The following SYT2 variants were observed in gnomAD, a reference collection of about 807,000 sequenced individuals.
SYT2 encodes the protein synaptotagmin 2.
In SYT2, 15 loss-of-function variants were observed where a neutral mutation model predicts 39.9. The ratio of observed to expected loss-of-function variants is 0.38; its 90% CI spans 0.25 to 0.58. The LOEUF is 0.58. Among genes scored for constraint, SYT2 ranks in the 20% least tolerant of loss-of-function variants. The pLI is 0.70. For missense variants in SYT2, 389 were observed against 530.3 expected (o/e 0.73, Z 2.62); for synonymous variants, 181 against 204.5 (o/e 0.89, Z 0.98).
chr1:202,704,645 C>G (rs914207050), intron 1 of SYT2, among the ~76,000 whole-genome samples: 5 of 152,212 alleles, frequency 3.3e-5, no homozygotes, highest in African/African-American at 4.8e-5. Context: ...CTCCCCAGCC[C>G]ACCCCTAGGA....
intron 1 of SYT2, among the ~76,000 whole-genome samples, chr1:202,673,925 GGCT>G (rs1171413298): frequency 6.6e-6 from 1 of 152,166 alleles, no homozygotes; most frequent in African/African-American, 2.4e-5. Flanking sequence ...AGTGACAGTT[GGCT>G]GGTTCTGGGT....
intron 1 of SYT2, among the ~76,000 whole-genome samples, chr1:202,678,419 G>A (rs1653439182): frequency 6.7e-6 from 1 of 149,884 alleles, no homozygotes; most frequent in South Asian, 2.1e-4. Context: ...TAGCGTCTGT[G>A]ATTTGGAGAC....
At chr1:202,683,610 G>C (rs1447533148) in intron 1 of SYT2, among the ~76,000 whole-genome samples, 3 of 152,076 alleles carry the variant, frequency 2.0e-5, no homozygotes, top group African/African-American at 7.2e-5. Context: ...ACGTGGTGGT[G>C]CATGCCTGTG....
At chr1:202,676,862 T>G (rs1313283281) in intron 1 of SYT2, among the ~76,000 whole-genome samples, 1 of 152,236 alleles carries the variant, frequency 6.6e-6, no homozygotes. Flanking sequence ...CCAAATCTCA[T>G]GTCTAATTGT....
At chr1:202,707,007 G>A (rs1419094693) in intron 1 of SYT2, among the ~76,000 whole-genome samples, 1 of 152,172 alleles carries the variant, frequency 6.6e-6, no homozygotes, top group Non-Finnish European at 1.5e-5. Flanking sequence ...TCTTGGCACA[G>A]TCATGATGAA....
At chr1:202,692,111 C>T (rs1238482924) in intron 1 of SYT2, among the ~76,000 whole-genome samples, 1 of 152,008 alleles carries the variant, frequency 6.6e-6, no homozygotes, top group African/African-American at 2.4e-5. Flanking sequence ...CAGCCCAGCT[C>T]TCCTACTGAA....
At chr1:202,667,498 TGTGTGTGTGTG>T (rs1692502643) in intron 1 of SYT2, among the ~76,000 whole-genome samples, 2 of 147,450 alleles carry the variant, frequency 1.4e-5, no homozygotes, top group Non-Finnish European at 3.1e-5. Context: ...TGTGTGTGTG[TGTGTGTGTGTG>T]TGTGTACCTT....
At chr1:202,684,103 AAT>A (rs960451779) in intron 1 of SYT2, among the ~76,000 whole-genome samples, 4 of 152,194 alleles carry the variant, frequency 2.6e-5, no homozygotes, top group Admixed American at 2.6e-4. Context: ...GTGACATTTT[AAT>A]ATACATATAT....
chr1:202,608,346 C>T (rs1558427771), intron 1 of SYT2, among the ~76,000 whole-genome samples: 1 of 150,808 alleles, frequency 6.6e-6, no homozygotes, highest in Non-Finnish European at 1.5e-5. Flanking sequence ...GTGGTGCAAC[C>T]ACTTACTACA....
At position 202,596,308 on chromosome 1, in the gene SYT2, T is replaced by TACAC. The variant is rs60259163; in HGVS notation, c.*445_*448dup. On this transcript the variant is annotated 3_prime_UTR_variant, in exon 9 of 9. Coordinates refer to ENST00000367268, the MANE Select transcript of SYT2 (RefSeq NM_177402.5). ...ACACACACACACACACACACACACA[T>TACAC]ACACACACACACACACACACACACA... is the stretch of plus-strand genomic sequence containing the variant. 6.2e-4 allele frequency: 55 copies of TACAC among 88,030 alleles called. No homozygotes were observed. The highest frequency in any genetic ancestry group is 2.4e-3 in the Admixed American group (16 of 6,548). 5.5% of individuals were successfully genotyped at this position (88,030 alleles called of 1,614,324 possible).
At chr1:202,625,941 T>C (rs1250420256) in intron 1 of SYT2, among the ~76,000 whole-genome samples, 2 of 152,158 alleles carry the variant, frequency 1.3e-5, no homozygotes, top group Non-Finnish European at 2.9e-5. Flanking sequence ...AGGCTGTGTA[T>C]GTGTATGTGT....
rs1052114771 is a variant in SYT2 at position 202,647,395 on chromosome 1, A to C, written c.-17-41606T>G. Among the ~76,000 whole-genome samples the C allele has an allele frequency of 2.0e-5, 3 of 152,276 alleles. No homozygotes were observed. The South Asian group carries it at 6.2e-4, about 32-fold the overall frequency. On this transcript the variant is annotated intron_variant, in intron 1 of 8. Transcript: ENST00000367268. ...CTGGGCCAGCTTTCTGTGGCTGTTCAGGTGTCCTCCTTTCTCTCTGAGCGA... is the reference window on the plus strand; with the variant it reads ...CTGGGCCAGCTTTCTGTGGCTGTTCCGGTGTCCTCCTTTCTCTCTGAGCGA...
At chr1:202,674,174 T>A (rs1653268221) in intron 1 of SYT2, among the ~76,000 whole-genome samples, 2 of 152,184 alleles carry the variant, frequency 1.3e-5, no homozygotes, top group South Asian at 4.1e-4. Flanking sequence ...TGATCTTGTG[T>A]CGCTGCAACC....
chr1:202,678,290 A>C (rs1020079108), intron 1 of SYT2, among the ~76,000 whole-genome samples: 3 of 151,272 alleles, frequency 2.0e-5, no homozygotes, highest in East Asian at 2.0e-4. Flanking sequence ...AAAAAAAAAA[A>C]AAAAAAAAAA....
chr1:202,602,654 G>T (rs1205786967), intron 4 of SYT2, 109 bp from the exon 5 acceptor site: 7 of 1,136,454 alleles, frequency 6.2e-6, no homozygotes, highest in African/African-American at 3.1e-5. Context: ...GGCAGTTGGG[G>T]CAGGGAAATG....
chr1:202,618,361 A>G (rs1017043965), intron 1 of SYT2, among the ~76,000 whole-genome samples: 1 of 151,468 alleles, frequency 6.6e-6, no homozygotes, highest in African/African-American at 2.4e-5. Context: ...AGGGACACCC[A>G]CCCAAGCATA....
At chr1:202,634,855 G>T (rs1199336367) in intron 1 of SYT2, among the ~76,000 whole-genome samples, 1 of 152,196 alleles carries the variant, frequency 6.6e-6, no homozygotes, top group Admixed American at 6.5e-5. Context: ...GAAAGTAGAT[G>T]ATTAGTTGGC....
At chr1:202,600,569 A>ACACATCACTGCCT in intron 6 of SYT2, 95 bp from the exon 7 acceptor site, 5 of 1,089,404 alleles carry the variant, frequency 4.6e-6, no homozygotes, top group Non-Finnish European at 7.0e-6. Context: ...CAAGGCAGTG[A>ACACATCACTGCCT]TGTGTCCCTG....
intron 3 of SYT2, 127 bp downstream of exon 3, chr1:202,604,328 A>C: frequency 1.1e-6 from 1 of 933,944 alleles, no homozygotes; most frequent in Non-Finnish European, 1.7e-6. Flanking sequence ...TGTAACTGAG[A>C]GAGCCAAGTT....
Sources: gnomAD v4.1 joint callset for allele counts (sites outside exome capture counted in the v4.1 genomes callset) on GRCh38, gnomAD v4.1.1 for gene constraint, MANE v1.5 for transcripts, NCBI Gene and HGNC (gene_info 2026-07-23, HGNC 2026-07-21) for gene names.